KCNQ1: variants seen among roughly 807,000 people sequenced by gnomAD.
KCNQ1 encodes potassium voltage-gated channel subfamily Q member 1.
Under a neutral mutation model 72.4 loss-of-function variants are expected in KCNQ1, and 49 were observed. That is an observed-to-expected ratio of 0.68 (90% CI 0.54 to 0.86). The LOEUF (loss-of-function observed/expected upper bound fraction) is 0.86, where lower values mean the gene tolerates loss of function less well. Among genes scored for constraint, KCNQ1 ranks in the 40% least tolerant of loss-of-function variants. The probability of loss-of-function intolerance (pLI) is 0.00; values close to 1 mark genes in which losing one functional copy is unlikely to be tolerated. For missense variants in KCNQ1, 790 were observed against 945.1 expected, an observed-to-expected ratio of 0.84 and a Z score of 2.15; for synonymous variants, 450 against 412.6, an observed-to-expected ratio of 1.09 and a Z score of -1.10.
At chr11:2,449,561 A>G (rs1174185679) in intron 1 of KCNQ1, among the ~76,000 whole-genome samples, 1 of 152,090 alleles carries the variant, frequency 6.6e-6, no homozygotes, top group Non-Finnish European at 1.5e-5. Context: ...CCATCCTGGC[A>G]TGTGGCACGT....
chr11:2,448,132 T>C (rs531281332), intron 1 of KCNQ1, among the ~76,000 whole-genome samples: 3 of 152,340 alleles, frequency 2.0e-5, no homozygotes, highest in South Asian at 4.1e-4. Flanking sequence ...CCAGCGGTCC[T>C]AGCTCCCTTG....
At chr11:2,524,963 G>T (rs1020773869) in intron 1 of KCNQ1, among the ~76,000 whole-genome samples, 2 of 152,206 alleles carry the variant, frequency 1.3e-5, no homozygotes, top group Non-Finnish European at 2.9e-5. Flanking sequence ...GAGCCAGGCT[G>T]TGTCTAATCT....
chr11:2,668,158 T>C lies in KCNQ1; in HGVS notation c.1514+6077T>C, dbSNP rs1308182692. The C allele has an allele frequency of 5.0e-6, 2 of 398,526 alleles. No individual in the cohort carries two copies. Among genetic ancestry groups the C allele is most frequent in the Non-Finnish European group, 8.8e-6 (2 of 226,094 alleles). 24.7% of individuals were successfully genotyped at this position (398,526 alleles called of 1,614,324 possible). On this transcript the variant is annotated intron_variant, in intron 11 of 15. Transcript: ENST00000155840. This position sits in a 1 kb window ranked among gnomAD's most constrained non-coding sequence, Gnocchi z 4.3. Reference sequence around the variant, plus strand: ...ATGGGGCTGAAGGGAGAGTGCTCCCTCATGCTCCTTGCTGACTGGTGCTCC... The same window carrying C: ...ATGGGGCTGAAGGGAGAGTGCTCCCCCATGCTCCTTGCTGACTGGTGCTCC...
Position 2,575,743 on chromosome 11 carries a change from A to G in KCNQ1, c.921+2757A>G, listed in dbSNP as rs115104550. ...TCCTGGAGGCCAGGCCATTCTGATC[A>G]TCATGCTGCATCTGCCCCAGACCTT... is the stretch of plus-strand genomic sequence containing the variant. On this transcript the variant is annotated intron_variant, in intron 6 of 15. Transcript: ENST00000155840. 4.5e-3 allele frequency among the ~76,000 whole-genome samples: 679 copies of G among 152,222 alleles called. 1 individual carries two copies. The highest frequency in any genetic ancestry group is 0.015 in the African/African-American group (614 of 41,550).
At position 2,688,428 on chromosome 11, in the gene KCNQ1, G is replaced by A. The variant is rs1273233733; in HGVS notation, c.1514+26347G>A. On this transcript the variant is annotated intron_variant, in intron 11 of 15. Coordinates refer to ENST00000155840, the MANE Select transcript of KCNQ1 (RefSeq NM_000218.3). ...TCCTCTGTGTAGGCACTGGGCCCCA[G>A]CCCCTGCCTGTGCCATCACTATTTC... The A allele has an allele frequency of 7.5e-6, 3 of 398,628 alleles. No homozygotes were observed. The East Asian group carries it at 1.1e-4, about 14-fold the overall frequency. The allele number at this position is 398,628 out of a possible 1,614,324, so 24.7% of individuals were successfully genotyped here.
intron 1 of KCNQ1, among the ~76,000 whole-genome samples, chr11:2,459,001 A>T (rs1017014094): frequency 6.6e-6 from 1 of 152,206 alleles, no homozygotes; most frequent in East Asian, 1.9e-4. Flanking sequence ...CGCACCTGCC[A>T]TGGTGCATTT....
rs11023929 is a variant in KCNQ1, at chr11:2,730,341, T to G, written c.1515-38503T>G. On this transcript the variant is annotated intron_variant, in intron 11 of 15. Coordinates refer to ENST00000155840, the MANE Select transcript of KCNQ1 (RefSeq NM_000218.3). ...GGCTTTAAGTGACACGTTTATTATCTAACAGCTCTGGAGGTCAGATGTCCG... is the reference window on the plus strand; with the variant it reads ...GGCTTTAAGTGACACGTTTATTATCGAACAGCTCTGGAGGTCAGATGTCCG... Among the ~76,000 whole-genome samples the G allele has an allele frequency of 7.4e-3, 1,127 of 152,330 alleles. 9 individuals carry two copies. Among genetic ancestry groups the G allele is most frequent in the African/African-American group, 0.026 (1,094 of 41,566 alleles).
At chr11:2,810,080 C>T (rs1392532629) in intron 15 of KCNQ1, among the ~76,000 whole-genome samples, 2 of 152,228 alleles carry the variant, frequency 1.3e-5, no homozygotes, top group Non-Finnish European at 2.9e-5. Context: ...ATGTAATTTT[C>T]CTTCAGAATT....
At chr11:2,628,587 G>C (rs72850246) in intron 10 of KCNQ1, 2 of 398,274 alleles carry the variant, frequency 5.0e-6, no homozygotes, top group Non-Finnish European at 8.8e-6. Flanking sequence ...CCCGCTACAT[G>C]TGCTGCCTTT....
In KCNQ1 at chr11:2,536,731, G is replaced by A. The variant is rs1193791736; in HGVS notation, c.477+8713G>A. Among the ~76,000 whole-genome samples the A allele has an allele frequency of 1.3e-5, 2 of 150,874 alleles. No homozygotes were observed. The highest frequency in any genetic ancestry group is 2.5e-5 in the African/African-American group (1 of 40,212). Reference sequence around the variant, plus strand: ...CCGCTGGGCCTATCTCCAGCCACGTGGGTCGCGAGAGTCGACCTGGGCTGC... The same window carrying A: ...CCGCTGGGCCTATCTCCAGCCACGTAGGTCGCGAGAGTCGACCTGGGCTGC... On this transcript the variant is annotated intron_variant, in intron 2 of 15. Transcript: ENST00000155840. This position sits in a 1 kb window ranked among gnomAD's most constrained non-coding sequence, Gnocchi z 7.4.
At chr11:2,542,405 G>T (rs1368891688) in intron 2 of KCNQ1, among the ~76,000 whole-genome samples, 1 of 152,250 alleles carries the variant, frequency 6.6e-6, no homozygotes, top group African/African-American at 2.4e-5. Flanking sequence ...GCCAGGAACC[G>T]CCATAGCCTC....
In KCNQ1 at chr11:2,649,432, T is replaced by G. The variant is rs148150581; in HGVS notation, c.1394-12529T>G. On this transcript the variant is annotated intron_variant, in intron 10 of 15. Transcript: ENST00000155840. ...TAGATATCATCCTCCTACTTCCAGA[T>G]GTAGTACTCCCTTAAGCATTTCTTG... 374 of 398,582 alleles carry G rather than the reference T, an allele frequency of 9.4e-4. 2 individuals are homozygous for G. The highest frequency in any genetic ancestry group is 7.1e-3 in the African/African-American group (344 of 48,754). 24.7% of individuals were successfully genotyped at this position (398,582 alleles called of 1,614,324 possible). A position where few individuals can be genotyped will look rare whatever the true frequency, so the allele number is the denominator to read the frequency against.
At position 2,715,822 on chromosome 11, in the gene KCNQ1, G is replaced by A. The variant is rs1194938453; in HGVS notation, c.1515-53022G>A. ...CCGCATCCCACATCCCCGCAGCCTT[G>A]CGCTGGTCTAAATGCCTCCCAGCCT... is the stretch of plus-strand genomic sequence containing the variant. On this transcript the variant is annotated intron_variant, in intron 11 of 15. Coordinates refer to ENST00000155840, the MANE Select transcript of KCNQ1 (RefSeq NM_000218.3). This position sits in a 1 kb window ranked among gnomAD's most constrained non-coding sequence, Gnocchi z 4.9. Among the ~76,000 whole-genome samples, 1 of 152,234 alleles carries A rather than the reference G, an allele frequency of 6.6e-6. No individual in the cohort carries two copies. Among genetic ancestry groups the A allele is most frequent in the Non-Finnish European group, 1.5e-5 (1 of 68,042 alleles).
intron 1 of KCNQ1, among the ~76,000 whole-genome samples, chr11:2,519,231 T>C (rs1847337707): frequency 6.6e-6 from 1 of 152,242 alleles, no homozygotes; most frequent in East Asian, 1.9e-4. Flanking sequence ...ATGTCCCGCC[T>C]GTGCCGGGAA....
chr11:2,690,591 A>G lies in KCNQ1; in HGVS notation c.1514+28510A>G. 1 of 398,732 alleles carries G rather than the reference A, an allele frequency of 2.5e-6. No individual in the cohort carries two copies. The highest frequency in any genetic ancestry group is 4.4e-6 in the Non-Finnish European group (1 of 226,116). 24.7% of individuals were successfully genotyped at this position (398,732 alleles called of 1,614,324 possible). A position where few individuals can be genotyped will look rare whatever the true frequency, so the allele number is the denominator to read the frequency against. On this transcript the variant is annotated intron_variant, in intron 11 of 15. Transcript: ENST00000155840. The surrounding 1 kb of genome is among the most constrained non-coding windows in gnomAD (Gnocchi z 5.1). ...GATGGGACAGAACCCACCTCCTGGC[A>G]GGGAGTGGGGCACACATATGTGCAT...
At chr11:2,461,654 G>A in intron 1 of KCNQ1, 1 of 1,366,716 alleles carries the variant, frequency 7.3e-7, no homozygotes, top group Non-Finnish European at 9.8e-7. Flanking sequence ...GAGGCCTGTG[G>A]CTGCTGTGGA....
At position 2,549,839 on chromosome 11, in the gene KCNQ1, A is replaced by T. The variant is rs1305362994; in HGVS notation, c.478-20789A>T. Among the ~76,000 whole-genome samples the T allele has an allele frequency of 6.6e-6, 1 of 151,634 alleles. No homozygotes were observed. The highest frequency in any genetic ancestry group is 1.9e-4 in the East Asian group (1 of 5,150). On this transcript the variant is annotated intron_variant, in intron 2 of 15. Coordinates refer to ENST00000155840, the MANE Select transcript of KCNQ1 (RefSeq NM_000218.3). The surrounding 1 kb of genome is among the most constrained non-coding windows in gnomAD (Gnocchi z 6.2). ...ATGACTGGCCCTGGGTGGCGGAGAG[A>T]CCCCTGGGCAGGACACCCCTCCCTG... is the stretch of plus-strand genomic sequence containing the variant.
At chr11:2,630,943 C>T (rs1463256187) in intron 10 of KCNQ1, 2 of 398,372 alleles carry the variant, frequency 5.0e-6, no homozygotes, top group African/African-American at 4.1e-5. Flanking sequence ...CTCAGAAATC[C>T]ACTGATAGCC....
chr11:2,791,936 G>C (rs780563843), intron 15 of KCNQ1, among the ~76,000 whole-genome samples: 1 of 152,220 alleles, frequency 6.6e-6, no homozygotes, highest in African/African-American at 2.4e-5. Context: ...TTACTTTGCC[G>C]CGCGAACAGC....
Sources: allele counts gnomAD v4.1 joint callset (sites outside exome capture counted in the v4.1 genomes callset), GRCh38; gene constraint gnomAD v4.1.1; non-coding constraint Gnocchi (gnomAD v3.1); transcripts MANE v1.5; gene names NCBI Gene and HGNC (gene_info 2026-07-23, HGNC 2026-07-21).